The following GOLPH3L variants were observed in gnomAD, a reference collection of about 807,000 sequenced individuals.
The protein encoded by GOLPH3L is golgi phosphoprotein 3 like.
A neutral mutation model predicts 30.3 loss-of-function variants in GOLPH3L; 22 were observed. The observed-to-expected ratio is 0.73, with a 90% CI of 0.52 to 1.04. The LOEUF is 1.04. GOLPH3L is among the 50% of genes least tolerant of loss of function. The pLI is 0.00. For synonymous variants in GOLPH3L, 120 were observed against 128.2 expected, an observed-to-expected ratio of 0.94 and a Z score of 0.43; for missense variants, 303 against 345.8, an observed-to-expected ratio of 0.88 and a Z score of 0.98.
chr1:150,665,248 T>A (rs1308143425), intron 2 of GOLPH3L, among the ~76,000 whole-genome samples: 1 of 152,116 alleles, frequency 6.6e-6, no homozygotes, highest in Non-Finnish European at 1.5e-5. Context: ...GTCACGAAGC[T>A]AAATAGAGAA....
Position 150,648,336 on chromosome 1 carries a change from G to A in GOLPH3L, c.843C>T (p.Ala281=). 1.3e-6 allele frequency: 2 copies of A among 1,593,200 alleles called. No homozygotes were observed. Among genetic ancestry groups the A allele is most frequent in the South Asian group, 2.3e-5 (2 of 88,628 alleles). The part of the protein sequence containing the change: ...ATEMIWAVLA[A]FNKS ...CCTGCCGGCTTTAAGATTTATTGAAGGCTGCCAGCACAGCCCAGATCATTT... is the reference window on the plus strand; with the variant it reads ...CCTGCCGGCTTTAAGATTTATTGAAAGCTGCCAGCACAGCCCAGATCATTT... The change falls in exon 5 of 5, where the codon GCC becomes GCT. Residue 281 remains alanine, a synonymous_variant. Coordinates refer to ENST00000271732, the MANE Select transcript of GOLPH3L (RefSeq NM_018178.6).
intron 2 of GOLPH3L, among the ~76,000 whole-genome samples, chr1:150,667,422 T>C (rs1465876631): frequency 6.6e-6 from 1 of 152,122 alleles, no homozygotes; most frequent in Non-Finnish European, 1.5e-5. Flanking sequence ...TGCTTAAAAA[T>C]CTTTCAAACA....
chr1:150,677,935 T>C (rs116688795), intron 2 of GOLPH3L, among the ~76,000 whole-genome samples: 2,542 of 151,874 alleles, frequency 0.017, 82 homozygotes, highest in African/African-American at 0.058. Context: ...CTCAAACAGT[T>C]GTTTCTTATA....
intron 4 of GOLPH3L, among the ~76,000 whole-genome samples, chr1:150,652,885 T>C (rs890617673): frequency 1.3e-5 from 2 of 151,958 alleles, no homozygotes; most frequent in Non-Finnish European, 2.9e-5. Flanking sequence ...AAATGGTAAA[T>C]AAGGAGGTTA....
chr1:150,688,675 C>T (rs587646594), intron 2 of GOLPH3L, among the ~76,000 whole-genome samples: 48 of 152,182 alleles, frequency 3.2e-4, no homozygotes, highest in African/African-American at 1.0e-3. Flanking sequence ...CGCTTGAATC[C>T]GGGAGGTGGA....
chr1:150,696,754 A>C (rs999873415), intron 1 of GOLPH3L, among the ~76,000 whole-genome samples: 1 of 139,722 alleles, frequency 7.2e-6, no homozygotes, highest in Non-Finnish European at 1.5e-5. Flanking sequence ...CTATTTCCTA[A>C]ACCAATCCAA....
intron 2 of GOLPH3L, among the ~76,000 whole-genome samples, chr1:150,683,392 TG>T (rs1651006064): frequency 6.6e-6 from 1 of 151,630 alleles, no homozygotes; most frequent in Non-Finnish European, 1.5e-5. Flanking sequence ...AAAAATTAGC[TG>T]GGCGTGGTGG....
At chr1:150,663,065 T>G (rs1650406438) in intron 3 of GOLPH3L, among the ~76,000 whole-genome samples, 1 of 152,006 alleles carries the variant, frequency 6.6e-6, no homozygotes, top group Non-Finnish European at 1.5e-5. Flanking sequence ...GACGGAGTCT[T>G]GCACTGTCCC....
intron 2 of GOLPH3L, among the ~76,000 whole-genome samples, chr1:150,687,523 C>T (rs1651112994): frequency 6.6e-6 from 1 of 150,868 alleles, no homozygotes; most frequent in African/African-American, 2.4e-5. Flanking sequence ...TGCGGTGAGC[C>T]AAGATCGTGC....
At chr1:150,659,385 C>T (rs1465318910) in intron 4 of GOLPH3L, among the ~76,000 whole-genome samples, 5 of 152,204 alleles carry the variant, frequency 3.3e-5, no homozygotes, top group Admixed American at 3.3e-4. Flanking sequence ...CTGGCCCACC[C>T]AGGGCGGAAA....
chr1:150,683,699 CAAAAAAAAA>C (rs397981524), intron 2 of GOLPH3L, among the ~76,000 whole-genome samples: 21 of 14,956 alleles, frequency 1.4e-3, no homozygotes, highest in East Asian at 3.0e-3. Context: ...GACTCTCTCT[CAAAAAAAAA>C]AAAAAAAAAA....
chr1:150,651,754 A>G (rs1246927619), intron 4 of GOLPH3L, among the ~76,000 whole-genome samples: 2 of 151,930 alleles, frequency 1.3e-5, no homozygotes, highest in Admixed American at 6.6e-5. Flanking sequence ...TAGAGATCAA[A>G]GAAATTATGT....
rs184787006 is a variant in GOLPH3L at position 150,670,122 on chromosome 1, T to C, written c.184-6359A>G. On this transcript the variant is annotated intron_variant, in intron 2 of 4. Transcript: ENST00000271732. ...CTAAAAAATATAAAAATTGGCCAGG[T>C]GTGGTGGTAGACGCCTGTAATCCCA... 2.6e-3 allele frequency among the ~76,000 whole-genome samples: 394 copies of C among 151,270 alleles called. 1 individual carries two copies. The highest frequency in any genetic ancestry group is 9.3e-3 in the African/African-American group (382 of 41,146).
intron 2 of GOLPH3L, among the ~76,000 whole-genome samples, chr1:150,690,239 C>A (rs1651178175): frequency 6.6e-6 from 1 of 151,996 alleles, no homozygotes. Flanking sequence ...CTTCTGTCTC[C>A]CAAAGTGCTG....
intron 1 of GOLPH3L, 60 bp downstream of exon 1, chr1:150,696,932 T>G (rs1439416819): frequency 6.6e-6 from 1 of 151,992 alleles, no homozygotes; most frequent in Non-Finnish European, 1.5e-5. Context: ...TTTTAAAAAA[T>G]AGAGGTTTTT....
chr1:150,691,231 C>A (rs779140943), intron 2 of GOLPH3L, among the ~76,000 whole-genome samples: 1 of 151,480 alleles, frequency 6.6e-6, no homozygotes, highest in Non-Finnish European at 1.5e-5. Flanking sequence ...CGCCTGTAAT[C>A]CCAGCACTTT....
intron 2 of GOLPH3L, among the ~76,000 whole-genome samples, chr1:150,685,577 G>A (rs1441630393): frequency 3.3e-5 from 5 of 151,968 alleles, no homozygotes; most frequent in Non-Finnish European, 5.9e-5. Context: ...AGCCAGGCGT[G>A]GTGGCATGCA....
At chr1:150,691,497 CAG>C (rs1013510301) in intron 2 of GOLPH3L, among the ~76,000 whole-genome samples, 97 of 151,920 alleles carry the variant, frequency 6.4e-4, no homozygotes, top group African/African-American at 2.1e-3. Context: ...ACCTGGGTGA[CAG>C]AGCAAGACTC....
intron 2 of GOLPH3L, chr1:150,694,005 A>C: frequency 3.9e-6 from 1 of 258,652 alleles, no homozygotes; most frequent in Admixed American, 5.4e-5. Flanking sequence ...GATTACAGGC[A>C]CCCGCCGCCA....
Sources: allele counts gnomAD v4.1 joint callset (sites outside exome capture counted in the v4.1 genomes callset), GRCh38; gene constraint gnomAD v4.1.1; transcripts MANE v1.5; gene names NCBI Gene and HGNC (gene_info 2026-07-23, HGNC 2026-07-21).